Variants in LPP observed in about 807,000 individuals in gnomAD.
LPP encodes the protein lipoma-preferred partner.
In LPP, 38 loss-of-function variants were observed where a neutral mutation model predicts 60.4. The ratio of observed to expected loss-of-function variants is 0.63; its 90% CI spans 0.49 to 0.83. The LOEUF (loss-of-function observed/expected upper bound fraction) is 0.83, where lower values mean the gene tolerates loss of function less well. Among genes scored for constraint, LPP ranks in the 40% least tolerant of loss-of-function variants. The pLI, the probability that LPP is intolerant of heterozygous loss-of-function variation, is 0.00. For missense variants in LPP, 902 were observed against 783.6 expected (o/e 1.15, Z -1.80); for synonymous variants, 328 against 290.8 (o/e 1.13, Z -1.30).
At chr3:188,700,111 C>T (rs1299475536) in intron 7 of LPP, among the ~76,000 whole-genome samples, 1 of 151,984 alleles carries the variant, frequency 6.6e-6, no homozygotes. Flanking sequence ...TCTTGTACAT[C>T]ACTACAAATG....
intron 6 of LPP, among the ~76,000 whole-genome samples, chr3:188,579,635 A>T (rs894042837): frequency 1.5e-5 from 2 of 137,346 alleles, no homozygotes; most frequent in Admixed American, 1.6e-4. Context: ...AACTTTATTA[A>T]CAATTCTAAA....
At chr3:188,232,504 A>ATTTTTTTTTTTTTTTTTTTTTTTT in intron 2 of LPP, among the ~76,000 whole-genome samples, 1 of 103,234 alleles carries the variant, frequency 9.7e-6, no homozygotes, top group Non-Finnish European at 1.9e-5. Context: ...ACACCCGGCT[A>ATTTTTTTTTTTTTTTTTTTTTTTT]TTTTTTTTTT....
chr3:188,645,823 G>A (rs1466703009), intron 7 of LPP, among the ~76,000 whole-genome samples: 1 of 150,358 alleles, frequency 6.7e-6, no homozygotes, highest in African/African-American at 2.4e-5. Flanking sequence ...AAAAAAAACA[G>A]AAAATAAATT....
At chr3:188,873,977 G>A (rs1048037793) in intron 11 of LPP, among the ~76,000 whole-genome samples, 1 of 152,084 alleles carries the variant, frequency 6.6e-6, no homozygotes, top group African/African-American at 2.4e-5. Flanking sequence ...TAATGGTAAA[G>A]GGTAAAAAAT....
intron 7 of LPP, among the ~76,000 whole-genome samples, chr3:188,636,102 C>T (rs903813504): frequency 6.6e-5 from 10 of 152,216 alleles, no homozygotes; most frequent in East Asian, 1.9e-4. Context: ...CCAGCCTGAG[C>T]GACGCAGAAG....
intron 2 of LPP, among the ~76,000 whole-genome samples, chr3:188,334,245 C>T (rs146575730): frequency 4.3e-4 from 65 of 152,056 alleles, no homozygotes; most frequent in Non-Finnish European, 5.1e-4. Flanking sequence ...AAATATATAA[C>T]ACATTTTCTT....
At chr3:188,552,046 T>C (rs1323209210) in intron 6 of LPP, among the ~76,000 whole-genome samples, 2 of 152,194 alleles carry the variant, frequency 1.3e-5, no homozygotes, top group Non-Finnish European at 1.5e-5. Context: ...TATTGCATTG[T>C]ATCTGTGGGA....
At chr3:188,180,893 GTGACGAACATCCTTC>G (rs1292629367) in intron 1 of LPP, 1 of 151,898 alleles carries the variant, frequency 6.6e-6, no homozygotes, top group Non-Finnish European at 1.5e-5. Flanking sequence ...AAATAGCACT[GTGACGAACATCCTTC>G]TTAACAAAAT....
intron 7 of LPP, among the ~76,000 whole-genome samples, chr3:188,691,434 T>G (rs1377947586): frequency 6.6e-6 from 1 of 152,188 alleles, no homozygotes; most frequent in Non-Finnish European, 1.5e-5. Context: ...ATGAAATACA[T>G]CTGAAGCATT....
intron 5 of LPP, among the ~76,000 whole-genome samples, chr3:188,485,071 CA>C (rs1365291958): frequency 6.6e-6 from 1 of 152,120 alleles, no homozygotes; most frequent in Non-Finnish European, 1.5e-5. Flanking sequence ...TATCTTCAAA[CA>C]TTGCATTCAA....
At chr3:188,514,058 G>A (rs1265606879) in intron 5 of LPP, among the ~76,000 whole-genome samples, 1 of 152,166 alleles carries the variant, frequency 6.6e-6, no homozygotes, top group Non-Finnish European at 1.5e-5. Flanking sequence ...GCGGGACTTG[G>A]TCTTGTTTAG....
chr3:188,645,380 C>T (rs912540505), intron 7 of LPP, among the ~76,000 whole-genome samples: 1 of 152,076 alleles, frequency 6.6e-6, no homozygotes, highest in Non-Finnish European at 1.5e-5. Context: ...CTTCAGTCGT[C>T]TCTCCATTTG....
chr3:188,485,796 C>CAAAGAAAAAAAA (rs1806276065), intron 5 of LPP, among the ~76,000 whole-genome samples: 1 of 40,156 alleles, frequency 2.5e-5, no homozygotes, highest in Non-Finnish European at 4.2e-5. Context: ...GACTCCGTCT[C>CAAAGAAAAAAAA]AAAAAAAAAA....
At chr3:188,483,560 C>T (rs915938457) in intron 4 of LPP, among the ~76,000 whole-genome samples, 1 of 152,082 alleles carries the variant, frequency 6.6e-6, no homozygotes, top group Non-Finnish European at 1.5e-5. Flanking sequence ...TTTCTGTTTC[C>T]CCAATACAGT....
At chr3:188,155,264 A>G (rs1199672972) in intron 1 of LPP, among the ~76,000 whole-genome samples, 1 of 152,010 alleles carries the variant, frequency 6.6e-6, no homozygotes, top group Non-Finnish European at 1.5e-5. Context: ...CTCCCCCAAC[A>G]CAAAACAACT....
chr3:188,586,248 T>G (rs1329578688), intron 6 of LPP, among the ~76,000 whole-genome samples: 1 of 152,206 alleles, frequency 6.6e-6, no homozygotes, highest in Non-Finnish European at 1.5e-5. Context: ...AGGAAAATGT[T>G]CTATATGTAA....
At position 188,609,931 on chromosome 3, in the gene LPP, T is replaced by C. The variant is rs547342683; in HGVS notation, c.1113+87T>C. ...CAGGAAGCGAAGCCTAAGGCAAAAG[T>C]GTGTGTGTTACTTTTATTTCACTGA... On this transcript the variant is annotated intron_variant, in intron 7 of 11. Transcript: ENST00000617246. This position sits in a 1 kb window ranked among gnomAD's most constrained non-coding sequence, Gnocchi z 6.9. 2 of 1,272,912 alleles carry C rather than the reference T, an allele frequency of 1.6e-6. No homozygotes were observed. The highest frequency in any genetic ancestry group is 2.3e-5 in the Admixed American group (1 of 43,066). 78.9% of individuals were successfully genotyped at this position (1,272,912 alleles called of 1,614,324 possible).
chr3:188,216,306 C>T (rs1319794108), intron 1 of LPP, among the ~76,000 whole-genome samples: 1 of 140,970 alleles, frequency 7.1e-6, no homozygotes, highest in Non-Finnish European at 1.5e-5. Flanking sequence ...GAGTCTCACT[C>T]TCTTGCCTAG....
chr3:188,359,092 T>A (rs1422394190), intron 3 of LPP, among the ~76,000 whole-genome samples: 5 of 152,214 alleles, frequency 3.3e-5, no homozygotes, highest in African/African-American at 1.2e-4. Context: ...TCAGGAGCCC[T>A]CTTCCAGCCA....
Sources: gnomAD v4.1 joint callset for allele counts (sites outside exome capture counted in the v4.1 genomes callset) on GRCh38, gnomAD v4.1.1 for gene constraint, Gnocchi (gnomAD v3.1) non-coding constraint, MANE v1.5 for transcripts, NCBI Gene and HGNC (gene_info 2026-07-23, HGNC 2026-07-21) for gene names.